The following BAZ2B variants were observed in gnomAD, a reference collection of about 807,000 sequenced individuals.
BAZ2B encodes the protein bromodomain adjacent to zinc finger domain protein 2B.
Under a neutral mutation model 246.0 loss-of-function variants are expected in BAZ2B, and 91 were observed. The observed-to-expected ratio is 0.37, with a 90% confidence interval of 0.31 to 0.44. BAZ2B has a LOEUF of 0.44. Ranked by LOEUF, BAZ2B falls within the 20% of genes least tolerant of loss-of-function variation. The probability of loss-of-function intolerance (pLI) is 1.00; values close to 1 mark genes in which losing one functional copy is unlikely to be tolerated. For missense variants in BAZ2B, 2,332 were observed against 2,533.7 expected (o/e 0.92, Z 1.71); for synonymous variants, 855 against 860.0 (o/e 0.99, Z 0.10).
chr2:159,628,334 G>A, the BAZ2B span, among the ~76,000 whole-genome samples: 1 of 152,166 alleles, frequency 6.6e-6, no homozygotes, highest in East Asian at 1.9e-4. Flanking sequence ...AATTTCATAT[G>A]GAACCAAAAA....
At chr2:159,316,621 C>T (rs1440063096), downstream of BAZ2B, among the ~76,000 whole-genome samples, 7 of 122,190 alleles carry the variant, frequency 5.7e-5, no homozygotes, top group Non-Finnish European at 9.6e-5. Flanking sequence ...ACCCAGGAGG[C>T]GGAGCTTGCA....
intron 1 of BAZ2B, among the ~76,000 whole-genome samples, chr2:159,590,890 G>A (rs1007431237): frequency 1.3e-5 from 2 of 152,080 alleles, no homozygotes; most frequent in African/African-American, 4.8e-5. Flanking sequence ...CTTCTAACTA[G>A]CCTTTAGGAA....
intron 2 of BAZ2B, among the ~76,000 whole-genome samples, chr2:159,519,670 C>CTTTTTTT (rs1156978730): frequency 4.1e-5 from 4 of 98,274 alleles, no homozygotes; most frequent in Non-Finnish European, 4.2e-5. Flanking sequence ...GACCTTTCTT[C>CTTTTTTT]TTTTTTTTTT....
chr2:159,331,205 G>A (rs1020331211), intron 34 of BAZ2B, among the ~76,000 whole-genome samples: 2 of 152,158 alleles, frequency 1.3e-5, no homozygotes, highest in Non-Finnish European at 1.5e-5. Context: ...TAAGGTATGT[G>A]AGCCCGGATG....
intron 14 of BAZ2B, among the ~76,000 whole-genome samples, chr2:159,406,220 G>C (rs763958316): frequency 4.6e-5 from 7 of 152,218 alleles, no homozygotes; most frequent in Non-Finnish European, 8.8e-5. Context: ...AACAGAGCTT[G>C]AAAGTTTAGT....
At chr2:159,394,080 T>C (rs1309937709) in intron 20 of BAZ2B, among the ~76,000 whole-genome samples, 1 of 151,892 alleles carries the variant, frequency 6.6e-6, no homozygotes, top group Non-Finnish European at 1.5e-5. Flanking sequence ...CTTTCCTCCC[T>C]GCCAAGAAAA....
intron 32 of BAZ2B, 120 bp from the exon 33 acceptor site, chr2:159,337,197 A>C: frequency 7.6e-7 from 1 of 1,319,500 alleles, no homozygotes; most frequent in Non-Finnish European, 1.0e-6. Flanking sequence ...CAATAAGTAT[A>C]AGGTTTAAGC....
In BAZ2B at chr2:159,438,562, T is replaced by A; in HGVS notation, c.1034A>T (p.Lys345Met). ...CTGCTGTGACAAAACCTGAGGCTGC[T>A]TCTGCTGGGATTGGAATGAGTGAGT... The part of the protein sequence containing the change: ...SQTHSFQSQQ[K>M]QPQVLSQQLP... The change falls in exon 8 of 37, where the codon AAG becomes ATG. Residue 345 changes from lysine (K) to methionine (M), a missense_variant. Physicochemically the swap from Lys to Met is moderately conservative, Grantham distance 95 (BLOSUM62 -1). Coordinates refer to ENST00000392783, the MANE Select transcript of BAZ2B (RefSeq NM_013450.4). The A allele has an allele frequency of 6.2e-7, 1 of 1,614,178 alleles. No individual in the cohort carries two copies. The highest frequency in any genetic ancestry group is 8.5e-7 in the Non-Finnish European group (1 of 1,180,016).
At chr2:159,500,772 G>A (rs1216121156) in intron 2 of BAZ2B, among the ~76,000 whole-genome samples, 2 of 151,854 alleles carry the variant, frequency 1.3e-5, no homozygotes, top group Non-Finnish European at 2.9e-5. Flanking sequence ...TGGCAGACTG[G>A]GTTTCACCCA....
chr2:159,380,629 G>C (rs961796942), intron 25 of BAZ2B, among the ~76,000 whole-genome samples: 14 of 152,212 alleles, frequency 9.2e-5, no homozygotes, highest in Admixed American at 6.5e-4. Flanking sequence ...TCTTAATATG[G>C]ACCTGAACTA....
chr2:159,360,515 T>C (rs1388120300), intron 27 of BAZ2B, among the ~76,000 whole-genome samples: 1 of 152,174 alleles, frequency 6.6e-6, no homozygotes, highest in East Asian at 1.9e-4. Flanking sequence ...ATTGTGAAAA[T>C]GGCCATATTG....
intron 4 of BAZ2B, 64 bp downstream of exon 4, chr2:159,453,549 T>A (rs2075352814): frequency 1.0e-5 from 15 of 1,469,850 alleles, no homozygotes; most frequent in Non-Finnish European, 1.4e-5. Context: ...AATAGACAAA[T>A]TATTGCTTGA....
intron 31 of BAZ2B, among the ~76,000 whole-genome samples, chr2:159,346,716 C>T (rs554461761): frequency 6.6e-6 from 1 of 152,062 alleles, no homozygotes; most frequent in African/African-American, 2.4e-5. Flanking sequence ...AAACAAAAAA[C>T]CCCCAAACCA....
the BAZ2B span, among the ~76,000 whole-genome samples, chr2:159,653,762 T>C: frequency 6.6e-6 from 1 of 152,200 alleles, no homozygotes; most frequent in Non-Finnish European, 1.5e-5. Flanking sequence ...AATGGAATTA[T>C]TGACAAACTC....
chr2:159,388,662 T>TA (rs779996432), intron 21 of BAZ2B, among the ~76,000 whole-genome samples: 2 of 152,152 alleles, frequency 1.3e-5, no homozygotes, highest in Non-Finnish European at 2.9e-5. Flanking sequence ...AAAATTCAAA[T>TA]AAGTGCTTAG....
intron 2 of BAZ2B, among the ~76,000 whole-genome samples, chr2:159,510,783 C>T (rs1466139535): frequency 6.6e-6 from 1 of 152,162 alleles, no homozygotes; most frequent in African/African-American, 2.4e-5. Flanking sequence ...AGATACTGTT[C>T]TAGTTCCTTT....
intron 8 of BAZ2B, chr2:159,435,271 C>T (rs186024503): frequency 2.0e-5 from 3 of 152,012 alleles, no homozygotes; most frequent in African/African-American, 7.2e-5. Flanking sequence ...GCAGCAACCC[C>T]CACCTCCCGG....
intron 6 of BAZ2B, chr2:159,444,661 G>T (rs2073976814): frequency 6.6e-6 from 1 of 152,136 alleles, no homozygotes; most frequent in Non-Finnish European, 1.5e-5. Flanking sequence ...CAGTAGTTCA[G>T]ATTTAAAGTT....
At chr2:159,344,009 C>G (rs890958215) in intron 31 of BAZ2B, among the ~76,000 whole-genome samples, 2 of 103,826 alleles carry the variant, frequency 1.9e-5, no homozygotes, top group African/African-American at 8.3e-5. Flanking sequence ...GCCTGGGCGA[C>G]AGAACAAGAC....
Sources: allele counts gnomAD v4.1 joint callset (sites outside exome capture counted in the v4.1 genomes callset), GRCh38; gene constraint gnomAD v4.1.1; transcripts MANE v1.5; gene names NCBI Gene and HGNC (gene_info 2026-07-23, HGNC 2026-07-21).